The following TCP11L2 variants were observed in gnomAD, a reference collection of about 807,000 sequenced individuals.
TCP11L2 encodes the protein t-complex 11 like 2.
In TCP11L2, 39 loss-of-function variants were observed where a neutral mutation model predicts 50.7. The ratio of observed to expected loss-of-function variants is 0.77; its 90% confidence interval spans 0.60 to 1.01. The LOEUF is 1.01. Among genes scored for constraint, TCP11L2 ranks in the 50% least tolerant of loss-of-function variants. The pLI, the probability that TCP11L2 is intolerant of heterozygous loss-of-function variation, is 0.00. For missense variants in TCP11L2, 612 were observed against 614.7 expected (o/e 1.00, Z 0.05); for synonymous variants, 192 against 219.3 (o/e 0.88, Z 1.10).
upstream of TCP11L2, among the ~76,000 whole-genome samples, chr12:106,301,262 G>C (rs1202713980): frequency 6.6e-6 from 1 of 152,228 alleles, no homozygotes; most frequent in Admixed American, 6.5e-5. Flanking sequence ...AGAGAGGAAA[G>C]TGGCAAAAGG....
At chr12:106,314,297 A>C (rs1049214063) in intron 2 of TCP11L2, 61 bp from the exon 3 acceptor site, 25 of 1,564,212 alleles carry the variant, frequency 1.6e-5, no homozygotes, top group Non-Finnish European at 2.2e-5. Flanking sequence ...CTGCATCAGG[A>C]GGCTTCGTTG....
intron 1 of TCP11L2, chr12:106,307,135 A>G (rs1418166479): frequency 6.6e-6 from 1 of 152,256 alleles, no homozygotes; most frequent in East Asian, 1.9e-4. Context: ...CCATTCATTT[A>G]TTCAACAATA....
chr12:106,316,933 A>G (rs1345950112), intron 3 of TCP11L2, among the ~76,000 whole-genome samples: 1 of 152,216 alleles, frequency 6.6e-6, no homozygotes, highest in African/African-American at 2.4e-5. Context: ...CTTTAAATTC[A>G]AAAGTGGCGA....
intron 9 of TCP11L2, among the ~76,000 whole-genome samples, chr12:106,344,219 A>G (rs1296379961): frequency 6.6e-6 from 1 of 151,422 alleles, no homozygotes; most frequent in African/African-American, 2.4e-5. Flanking sequence ...TTCAGTCCCC[A>G]TTTTCCCCTG....
At position 106,311,219 on chromosome 12, in the gene TCP11L2, C is replaced by T. The variant is rs753331344; in HGVS notation, c.144C>T (p.Ser48=). 5 of 1,613,810 alleles carry T rather than the reference C, an allele frequency of 3.1e-6. No homozygotes were observed. In the South Asian group the frequency reaches 4.4e-5, roughly 14 times the overall value. The change falls in exon 2 of 10, where the codon TCC becomes TCT. Residue 48 remains serine, a synonymous_variant. Transcript: ENST00000299045. ...QSFASDSSSK[S]SSPASTSPPR... is the part of the protein sequence containing the mutation. ...TTGCAAGTGACTCCTCCAGCAAATC[C>T]AGCTCTCCTGCTTGTGAGCCGATGG...
intron 1 of TCP11L2, among the ~76,000 whole-genome samples, chr12:106,305,750 T>A (rs2034602855): frequency 6.6e-6 from 1 of 152,090 alleles, no homozygotes; most frequent in African/African-American, 2.4e-5. Flanking sequence ...AAATTTCAAA[T>A]CTGAATGACA....
chr12:106,340,353 G>C (rs779653201), intron 8 of TCP11L2, among the ~76,000 whole-genome samples: 1 of 152,150 alleles, frequency 6.6e-6, no homozygotes, highest in Non-Finnish European at 1.5e-5. Context: ...AAAGTTCTAG[G>C]TATTTGACCT....
intron 1 of TCP11L2, among the ~76,000 whole-genome samples, chr12:106,310,707 C>T (rs1289107125): frequency 9.9e-5 from 15 of 152,202 alleles, no homozygotes; most frequent in Admixed American, 9.2e-4. Flanking sequence ...CCCACACTCC[C>T]GCCTTCTCAT....
At chr12:106,325,376 G>A (rs1048511542) in intron 6 of TCP11L2, 1 of 152,372 alleles carries the variant, frequency 6.6e-6, no homozygotes, top group Non-Finnish European at 1.5e-5. Flanking sequence ...GTCTAACAAT[G>A]GAGACTATGA....
In TCP11L2 at chr12:106,336,039, T is replaced by A. The variant is rs751607534; in HGVS notation, c.968T>A (p.Met323Lys). 1 of 1,609,124 alleles carries A rather than the reference T, an allele frequency of 6.2e-7. No individual in the cohort carries two copies. Among genetic ancestry groups the A allele is most frequent in the Non-Finnish European group, 8.5e-7 (1 of 1,178,474 alleles). The change falls in exon 8 of 10, where the codon ATG (methionine) becomes AAG (lysine). Residue 323 changes from methionine to lysine, a missense_variant. Physicochemically the swap from Met to Lys is moderately conservative, Grantham distance 95. Coordinates refer to ENST00000299045, the MANE Select transcript of TCP11L2 (RefSeq NM_152772.3). ...TTTAAATAAATATGTTAGACACTTA[T>A]GACAGATGGAGCACGTCTTCAGGAA... ...YQKKELPETL[M>K]TDGARLQELT...
At chr12:106,311,571 G>A (rs1392211194) in intron 2 of TCP11L2, among the ~76,000 whole-genome samples, 1 of 152,148 alleles carries the variant, frequency 6.6e-6, no homozygotes, top group Non-Finnish European at 1.5e-5. Flanking sequence ...ATTCAAATTG[G>A]TCTTTTCTGA....
intron 1 of TCP11L2, chr12:106,303,966 C>G (rs2034526450): frequency 6.6e-6 from 1 of 152,218 alleles, no homozygotes; most frequent in South Asian, 2.1e-4. Flanking sequence ...GTGGGTGTCT[C>G]AGCACCCATG....
At chr12:106,314,207 G>T in intron 2 of TCP11L2, 151 bp from the exon 3 acceptor site, 1 of 634,626 alleles carries the variant, frequency 1.6e-6, no homozygotes, top group East Asian at 2.8e-5. Context: ...TATTAACTGA[G>T]GGAATTCACC....
intron 2 of TCP11L2, chr12:106,312,511 A>G: frequency 1.2e-6 from 1 of 841,270 alleles, no homozygotes; most frequent in Non-Finnish European, 1.5e-6. Flanking sequence ...AGGCATCCTG[A>G]AGAAGGGTTT....
chr12:106,312,256 CATTTTTT>C (rs2034886046), intron 2 of TCP11L2: 185 of 314,102 alleles, frequency 5.9e-4, no homozygotes, highest in Middle Eastern at 2.0e-3. Flanking sequence ...ATTTAGTTTC[CATTTTTT>C]TTTTTTTTTT....
At chr12:106,326,255 G>C (rs1363264792) in intron 6 of TCP11L2, among the ~76,000 whole-genome samples, 1 of 152,136 alleles carries the variant, frequency 6.6e-6, no homozygotes, top group Non-Finnish European at 1.5e-5. Context: ...GCACATCCAG[G>C]GGAGAGCACA....
intron 9 of TCP11L2, among the ~76,000 whole-genome samples, chr12:106,341,401 C>A (rs571945046): frequency 6.6e-6 from 1 of 152,138 alleles, no homozygotes; most frequent in Non-Finnish European, 1.5e-5. Flanking sequence ...ATGTGTGGAT[C>A]CGGGAGACAT....
In TCP11L2 at chr12:106,314,436, A is replaced by G. The variant is rs2034988035; in HGVS notation, c.236A>G (p.His79Arg). The G allele has an allele frequency of 6.2e-7, 1 of 1,613,642 alleles. No homozygotes were observed. The highest frequency in any genetic ancestry group is 1.1e-5 in the South Asian group (1 of 91,088). ...AACTTATCAAACTTGACTCTTGCTC[A>G]TGAGATTGCTGTAAATGAGAACTTT... is the stretch of plus-strand genomic sequence containing the variant. ...ARNLSNLTLA[H>R]EIAVNENFQL... Residue 79 changes from histidine (H) to arginine (R), a missense_variant, in exon 3 of 10, where the codon CAT becomes CGT. Transcript: ENST00000299045.
At chr12:106,311,333 T>G (rs1280378524) in intron 2 of TCP11L2, 101 bp downstream of exon 2, 1 of 1,351,080 alleles carries the variant, frequency 7.4e-7, no homozygotes, top group Non-Finnish European at 1.0e-6. Flanking sequence ...AGACTTCCCC[T>G]CCTTTCTAGA....
Sources: allele counts gnomAD v4.1 joint callset (sites outside exome capture counted in the v4.1 genomes callset), GRCh38; gene constraint gnomAD v4.1.1; transcripts MANE v1.5; gene names NCBI Gene and HGNC (gene_info 2026-07-23, HGNC 2026-07-21).